Variants in ARHGAP29 observed in about 807,000 individuals in gnomAD.
The protein encoded by ARHGAP29 is rho GTPase-activating protein 29.
In ARHGAP29, 43 loss-of-function variants were observed where a neutral mutation model predicts 122.6. That is an observed-to-expected ratio of 0.35 (90% CI 0.27 to 0.45). The LOEUF (loss-of-function observed/expected upper bound fraction) is 0.45. Among genes scored for constraint, ARHGAP29 ranks in the 20% least tolerant of loss-of-function variants. The probability of loss-of-function intolerance (pLI) is 1.00; values close to 1 mark genes in which losing one functional copy is unlikely to be tolerated. For missense variants in ARHGAP29, 1,303 were observed against 1,477.2 expected (o/e 0.88, Z 1.93); for synonymous variants, 506 against 497.1 (o/e 1.02, Z -0.24).
At position 94,172,953 on chromosome 1, in the gene ARHGAP29, A is replaced by G. The variant is rs1308079530; in HGVS notation, c.*916T>C. 6.6e-6 allele frequency: 1 copy of G among 152,538 alleles called. No individual in the cohort carries two copies. The highest frequency in any genetic ancestry group is 1.5e-5 in the Non-Finnish European group (1 of 68,004). The allele number at this position is 152,538 out of a possible 1,614,324, so 9.4% of individuals were successfully genotyped here. A position where few individuals can be genotyped will look rare whatever the true frequency, so the allele number is the denominator to read the frequency against. The stretch of plus-strand genomic sequence containing the variant: ...AATCCAGGTAGAACAAGTACATAAA[A>G]TGATTCCTAAGTCAAAACATTTCAT... On this transcript the variant is annotated 3_prime_UTR_variant, in exon 23 of 23. Transcript: ENST00000260526.
intron 1 of ARHGAP29, among the ~76,000 whole-genome samples, chr1:94,246,582 A>T (rs1312587160): frequency 6.6e-6 from 1 of 152,166 alleles, no homozygotes; most frequent in Admixed American, 6.5e-5. Flanking sequence ...TCCAAAAAAA[A>T]CAATGTGGAA....
At chr1:94,237,856 G>A (rs1453965738), upstream of ARHGAP29, 1 of 702,042 alleles carries the variant, frequency 1.4e-6, no homozygotes, top group Non-Finnish European at 1.8e-6. Context: ...GACTAGATGC[G>A]GCTAATGGCC....
chr1:94,312,492 T>A, the ARHGAP29 span, among the ~76,000 whole-genome samples: 1 of 150,430 alleles, frequency 6.6e-6, no homozygotes, highest in Non-Finnish European at 1.5e-5. Context: ...AGTGCAATGG[T>A]GTGATCTTGG....
At chr1:94,201,097 A>G (rs1392385645) in intron 12 of ARHGAP29, among the ~76,000 whole-genome samples, 1 of 151,586 alleles carries the variant, frequency 6.6e-6, no homozygotes, top group East Asian at 1.9e-4. Context: ...GTCTCCAAAT[A>G]ATTTGGTTCA....
chr1:94,273,908 A>G (rs2100737500), intron 1 of ARHGAP29, among the ~76,000 whole-genome samples: 1 of 152,328 alleles, frequency 6.6e-6, no homozygotes, highest in East Asian at 1.9e-4. Context: ...CATTAAAAAA[A>G]AAAGACAAGA....
intron 11 of ARHGAP29, chr1:94,202,125 T>C (rs544962139): frequency 9.2e-6 from 4 of 435,562 alleles, no homozygotes; most frequent in African/African-American, 4.1e-5. Flanking sequence ...CTATATTCCA[T>C]ATAATCTTAC....
chr1:94,307,546 T>C, the ARHGAP29 span, among the ~76,000 whole-genome samples: 1 of 152,234 alleles, frequency 6.6e-6, no homozygotes, highest in East Asian at 1.9e-4. Flanking sequence ...CTACCAGTTA[T>C]CAAACAAATT....
Position 94,231,582 on chromosome 1 carries a change from C to T in ARHGAP29, c.30G>A (p.Lys10=), listed in dbSNP as rs1391928500. MIAHKQKKT[K]KKRAWASGQL... is the part of the protein sequence containing the mutation. ...GACCTGATGCCCAAGCACGTTTTTT[C>T]TTTGTCTTTTTCTGTTTGTGAGCAA... The change falls in exon 2 of 23, where the codon AAG becomes AAA. Residue 10 remains lysine (K), a synonymous_variant. Transcript: ENST00000260526. 3 of 1,613,338 alleles carry T rather than the reference C, an allele frequency of 1.9e-6. No individual in the cohort carries two copies. The African/African-American group carries it at 4.0e-5, about 22-fold the overall frequency.
chr1:94,205,498 A>AT (rs1450959223), intron 6 of ARHGAP29, 137 bp downstream of exon 6: 1 of 797,374 alleles, frequency 1.3e-6, no homozygotes, highest in Non-Finnish European at 2.0e-6. Context: ...CTTAAGCTCT[A>AT]TATGTAAAAC....
Position 94,202,616 on chromosome 1 carries a change from A to G in ARHGAP29, c.1071T>C (p.Ser357=). The G allele has an allele frequency of 6.2e-7, 1 of 1,614,194 alleles. No homozygotes were observed. The highest frequency in any genetic ancestry group is 1.3e-5 in the African/African-American group (1 of 75,056). The change falls in exon 11 of 23, where the codon AGT becomes AGC. Residue 357 remains serine, a synonymous_variant. Transcript: ENST00000260526. The stretch of plus-strand genomic sequence containing the variant: ...TGTTGAGATTTTTTGCTAATCCGCC[A>G]CTTGAAGACAGATGCTCCTCTTCTG... ...FRAEEEHLSS[S]GGLAKNLNKQ...
chr1:94,258,469 G>A (rs890843618), intron 1 of ARHGAP29, among the ~76,000 whole-genome samples: 4 of 152,206 alleles, frequency 2.6e-5, no homozygotes, highest in Admixed American at 1.3e-4. Context: ...TCTGTCATCT[G>A]TAAGTTAGAA....
chr1:94,231,696 C>A, intron 1 of ARHGAP29, 53 bp from the exon 2 acceptor site: 1 of 1,348,480 alleles, frequency 7.4e-7, no homozygotes, highest in South Asian at 1.4e-5. Flanking sequence ...GAAAGAAACA[C>A]AAAAACTAAA....
At chr1:94,256,834 A>T (rs1570613391) in intron 1 of ARHGAP29, among the ~76,000 whole-genome samples, 1 of 151,800 alleles carries the variant, frequency 6.6e-6, no homozygotes, top group South Asian at 2.1e-4. Context: ...CTGGGATTAC[A>T]GGCGTGAGCC....
At chr1:94,184,323 T>C (rs1415026320) in intron 18 of ARHGAP29, 35 bp from the exon 19 acceptor site, 1 of 1,529,746 alleles carries the variant, frequency 6.5e-7, no homozygotes, top group Non-Finnish European at 8.9e-7. Flanking sequence ...TGCAAAATTC[T>C]TCTTTAGTAC....
intron 6 of ARHGAP29, 100 bp downstream of exon 6, chr1:94,205,535 G>GT: frequency 8.9e-7 from 1 of 1,119,018 alleles, no homozygotes; most frequent in South Asian, 1.4e-5. Flanking sequence ...CATTAAAAAT[G>GT]AATACACTAG....
chr1:94,252,583 G>A (rs1285795782), intron 1 of ARHGAP29, among the ~76,000 whole-genome samples: 1 of 152,044 alleles, frequency 6.6e-6, no homozygotes, highest in African/African-American at 2.4e-5. Context: ...GCTACCAAGG[G>A]TATACTTACA....
chr1:94,189,808 G>A, intron 13 of ARHGAP29, 118 bp downstream of exon 13: 1 of 927,240 alleles, frequency 1.1e-6, no homozygotes, highest in Non-Finnish European at 1.6e-6. Flanking sequence ...AATATTTAAA[G>A]AACTCAGAAA....
chr1:94,219,916 A>ACC (rs199661124), intron 3 of ARHGAP29, among the ~76,000 whole-genome samples: 5 of 152,128 alleles, frequency 3.3e-5, no homozygotes, highest in Non-Finnish European at 7.3e-5. Context: ...ACCACTCTCC[A>ACC]ATTTCAATTT....
At chr1:94,310,970 C>T in the ARHGAP29 span, among the ~76,000 whole-genome samples, 1 of 152,194 alleles carries the variant, frequency 6.6e-6, no homozygotes, top group African/African-American at 2.4e-5. Flanking sequence ...CCCTTCTCTA[C>T]TGCACTCCTG....
Sources: gnomAD v4.1 joint callset for allele counts (sites outside exome capture counted in the v4.1 genomes callset) on GRCh38, gnomAD v4.1.1 for gene constraint, MANE v1.5 for transcripts, NCBI Gene and HGNC (gene_info 2026-07-23, HGNC 2026-07-21) for gene names.